The following RAD50 variants were observed in gnomAD, a reference collection of about 807,000 sequenced individuals.
The protein encoded by RAD50 is DNA repair protein RAD50.
RAD50 carries 132 observed loss-of-function variants against 168.8 expected under a neutral mutation model. The ratio of observed to expected loss-of-function variants is 0.78; its 90% confidence interval spans 0.68 to 0.90. The LOEUF is 0.90. Ranked by LOEUF, RAD50 falls within the 40% of genes least tolerant of loss-of-function variation. The probability of loss-of-function intolerance (pLI) is 0.00; values close to 1 mark genes in which losing one functional copy is unlikely to be tolerated. For synonymous variants in RAD50, 525 were observed against 497.4 expected (o/e 1.06, Z -0.74); for missense variants, 1,347 against 1,534.4 (o/e 0.88, Z 2.04).
intron 2 of RAD50, among the ~76,000 whole-genome samples, chr5:132,561,613 G>T (rs1750125739): frequency 6.6e-6 from 1 of 152,122 alleles, no homozygotes; most frequent in Non-Finnish European, 1.5e-5. Flanking sequence ...TTATGTGCTG[G>T]TAACTACCAC....
At chr5:132,590,536 C>G (rs190956650) in intron 9 of RAD50, among the ~76,000 whole-genome samples, 1 of 152,260 alleles carries the variant, frequency 6.6e-6, no homozygotes, top group African/African-American at 2.4e-5. Flanking sequence ...AGGTCACACA[C>G]GTTGTAATTC....
chr5:132,557,019 C>CAAAAA lies in RAD50; in HGVS notation c.-306_-305insAAAAA. 1.4e-6 allele frequency: 1 copy of CAAAAA among 706,794 alleles called. No individual in the cohort carries two copies. The highest frequency in any genetic ancestry group is 3.6e-5 in the East Asian group (1 of 27,912). 43.8% of individuals were successfully genotyped at this position (706,794 alleles called of 1,614,324 possible). A position where few individuals can be genotyped will look rare whatever the true frequency, so the allele number is the denominator to read the frequency against. ...GCCGAGGCAGGAAGCTGTGAGTGCG[C>CAAAAA]GGTTGCGGGGTCGCATTGTGGCTAC... On this transcript the variant is annotated 5_prime_UTR_variant, in exon 1 of 25. Transcript: ENST00000378823.
intron 13 of RAD50, among the ~76,000 whole-genome samples, chr5:132,601,801 A>G (rs1750892868): frequency 6.6e-6 from 1 of 152,196 alleles, no homozygotes; most frequent in African/African-American, 2.4e-5. Context: ...GCAGCCATAT[A>G]AAAGGATGAG....
chr5:132,646,285 G>A lies in RAD50; in HGVS notation c.*3921G>A, dbSNP rs951110281. The A allele has an allele frequency of 6.6e-6, 1 of 152,164 alleles. No homozygotes were observed. The highest frequency in any genetic ancestry group is 1.9e-4 in the East Asian group (1 of 5,176). The allele number at this position is 152,164 out of a possible 1,614,324, so 9.4% of individuals were successfully genotyped here. A position where few individuals can be genotyped will look rare whatever the true frequency, so the allele number is the denominator to read the frequency against. On this transcript the variant is annotated 3_prime_UTR_variant, in exon 25 of 25. Coordinates refer to ENST00000378823, the MANE Select transcript of RAD50 (RefSeq NM_005732.4). ...TTGACTGATATATTCAGCTGCCTGT[G>A]GATAACTGGGCATCTATCTGCACTT...
chr5:132,640,939 C>A, intron 24 of RAD50, 134 bp downstream of exon 24: 1 of 1,419,520 alleles, frequency 7.0e-7, no homozygotes, highest in Non-Finnish European at 9.9e-7. Flanking sequence ...CTTGGGGAAG[C>A]CAGTTGGTGC....
At chr5:132,590,331 G>A (rs1489934976) in intron 9 of RAD50, among the ~76,000 whole-genome samples, 4 of 152,224 alleles carry the variant, frequency 2.6e-5, no homozygotes, top group South Asian at 2.1e-4. Flanking sequence ...TTAGCTGGGC[G>A]TGGTGGCGTG....
rs1751171141 is a variant in RAD50 at position 132,616,118 on chromosome 5, T to C, written c.3152T>C (p.Leu1051Ser). Residue 1051 changes from leucine to serine, a missense_variant, in exon 20 of 25, where the codon TTG (leucine) becomes TCG (serine). Transcript: ENST00000378823. ...HLKEMGQMQV[L>S]QMKSEHQKLE... ...AAGGAAATGGGTCAAATGCAGGTTTTGCAAATGAAAAGGTATGCTTTTAAA... is the reference window on the plus strand; with the variant it reads ...AAGGAAATGGGTCAAATGCAGGTTTCGCAAATGAAAAGGTATGCTTTTAAA... 6.2e-7 allele frequency: 1 copy of C among 1,612,880 alleles called. No individual in the cohort carries two copies. The highest frequency in any genetic ancestry group is 1.3e-5 in the African/African-American group (1 of 74,900).
At chr5:132,624,920 A>G (rs761920091) in intron 21 of RAD50, among the ~76,000 whole-genome samples, 18 of 151,444 alleles carry the variant, frequency 1.2e-4, no homozygotes, top group Non-Finnish European at 2.2e-4. Context: ...TTGGAATAAG[A>G]TAAGTTGGTT....
chr5:132,577,846 T>C lies in RAD50; in HGVS notation c.366-1471T>C, dbSNP rs561123211. On this transcript the variant is annotated intron_variant, in intron 3 of 24. Coordinates refer to ENST00000378823, the MANE Select transcript of RAD50 (RefSeq NM_005732.4). ...TTTTTTTTGAGATGGAGTCTTGCTC[T>C]GTCTGTCACCCAGGCTGGAGTGCAG... 4.8e-5 allele frequency among the ~76,000 whole-genome samples: 7 copies of C among 145,448 alleles called. No individual in the cohort carries two copies. In the South Asian group the frequency reaches 1.6e-3, roughly 33 times the overall value.
At chr5:132,621,376 T>C (rs1260892250) in intron 21 of RAD50, among the ~76,000 whole-genome samples, 1 of 152,242 alleles carries the variant, frequency 6.6e-6, no homozygotes, top group African/African-American at 2.4e-5. Flanking sequence ...ATCTGCATTA[T>C]TTCTTTTGTC....
chr5:132,557,732 C>G (rs1750032683), intron 1 of RAD50, among the ~76,000 whole-genome samples: 1 of 152,238 alleles, frequency 6.6e-6, no homozygotes, highest in Non-Finnish European at 1.5e-5. Flanking sequence ...TCAGTTCCCA[C>G]TGGATGCCCT....
chr5:132,579,783 C>G, intron 4 of RAD50, 79 bp from the exon 5 acceptor site: 2 of 1,210,132 alleles, frequency 1.7e-6, no homozygotes, highest in South Asian at 1.3e-5. Context: ...ATCTTAGTGA[C>G]AGCATAATAT....
At chr5:132,615,961 A>G (rs757128038) in intron 19 of RAD50, 42 bp from the exon 20 acceptor site, 1 of 1,529,970 alleles carries the variant, frequency 6.5e-7, no homozygotes, top group African/African-American at 1.4e-5. Context: ...TCATGTTAGT[A>G]ACTTGGTTAT....
chr5:132,611,340 G>A (rs183832937), intron 19 of RAD50, among the ~76,000 whole-genome samples: 27 of 150,738 alleles, frequency 1.8e-4, no homozygotes, highest in Admixed American at 1.1e-3. Flanking sequence ...GCAGTGAGCC[G>A]AGATCACACC....
Position 132,604,556 on chromosome 5 carries a change from T to C in RAD50, c.2525-250T>C, listed in dbSNP as rs1750947974. 1.3e-5 allele frequency among the ~76,000 whole-genome samples: 2 copies of C among 152,190 alleles called. 1 individual carries two copies. The highest frequency in any genetic ancestry group is 4.1e-4 in the South Asian group (2 of 4,820). On this transcript the variant is annotated intron_variant, in intron 15 of 24. Transcript: ENST00000378823. ...TGCTGGGATTACAAGTGTGAGCCAG[T>C]GCGCCTGGCCATGAGCTGTATTCTT...
At position 132,637,202 on chromosome 5, in the gene RAD50, T is replaced by C. The variant is rs761168506; in HGVS notation, c.3475+2T>C. ...GGCGAAGTACCTATCGTGGACAAGG[T>C]GAGTACCATGGTGTATCACAAATGC... On this transcript the variant is annotated splice_donor_variant, in intron 22 of 24. Coordinates refer to ENST00000378823, the MANE Select transcript of RAD50 (RefSeq NM_005732.4). LOFTEE classifies it high-confidence loss of function. 17 of 1,610,554 alleles carry C rather than the reference T, an allele frequency of 1.1e-5. No individual in the cohort carries two copies. The highest frequency in any genetic ancestry group is 1.4e-5 in the Non-Finnish European group (16 of 1,177,904).
chr5:132,645,914 A>ATCTT lies in RAD50; in HGVS notation c.*3552_*3555dup, dbSNP rs1323072066. On this transcript the variant is annotated 3_prime_UTR_variant, in exon 25 of 25. Transcript: ENST00000378823. ...AGTCTGAGCAACATAGTGACATCCCATCTTTACATAAAATTTTTAAAAAAT... is the reference window on the plus strand; with the variant it reads ...AGTCTGAGCAACATAGTGACATCCCATCTTTCTTTACATAAAATTTTTAAAAAAT... The ATCTT allele has an allele frequency of 6.6e-6, 1 of 152,038 alleles. No homozygotes were observed. Among genetic ancestry groups the ATCTT allele is most frequent in the Admixed American group, 6.5e-5 (1 of 15,272 alleles). 9.4% of individuals were successfully genotyped at this position (152,038 alleles called of 1,614,324 possible).
chr5:132,579,717 A>C (rs1389782983), intron 4 of RAD50, 145 bp from the exon 5 acceptor site: 2 of 872,460 alleles, frequency 2.3e-6, no homozygotes, highest in Non-Finnish European at 3.6e-6. Flanking sequence ...AATTTTTTTC[A>C]CTTACCATTA....
At chr5:132,608,835 G>C in intron 17 of RAD50, 110 bp downstream of exon 17, 2 of 1,434,212 alleles carry the variant, frequency 1.4e-6, no homozygotes, top group Non-Finnish European at 1.9e-6. Context: ...AAGATAAATA[G>C]TATTTTCAGA....
Sources: gnomAD v4.1 joint callset for allele counts (sites outside exome capture counted in the v4.1 genomes callset) on GRCh38, gnomAD v4.1.1 for gene constraint, MANE v1.5 for transcripts, NCBI Gene and HGNC (gene_info 2026-07-23, HGNC 2026-07-21) for gene names.